The following BTBD18 variants were observed in gnomAD, a reference collection of about 807,000 sequenced individuals.
BTBD18 encodes the protein BTB/POZ domain-containing protein 18.
For missense variants in BTBD18, 787 were observed against 846.3 expected (o/e 0.93, Z 0.87); for synonymous variants, 311 against 324.4 (o/e 0.96, Z 0.44).
Position 57,744,768 on chromosome 11 carries a change from A to G in BTBD18, c.1505T>C (p.Leu502Pro). ...AGGTGGTTCAATGTCTGAGCCACAG[A>G]GCATGAAGTCCAGGATCTCCTCCAG... The part of the protein sequence containing the change: ...SELEEILDFM[L>P]CGSDIEPPIG... The change falls in exon 3 of 3, where the codon CTC (leucine) becomes CCC (proline). Residue 502 changes from leucine to proline, a missense_variant. Physicochemically the swap from Leu to Pro is moderately conservative, Grantham distance 98. Transcript: ENST00000422652. The G allele has an allele frequency of 6.4e-7, 1 of 1,551,714 alleles. No homozygotes were observed.
At chr11:57,749,372 A>G in intron 2 of BTBD18, among the ~76,000 whole-genome samples, 1 of 152,222 alleles carries the variant, frequency 6.6e-6, no homozygotes, top group South Asian at 2.1e-4. Context: ...GCAGCAGGCA[A>G]ATCACTTAAC....
At chr11:57,751,866 A>C (rs1949318168), upstream of BTBD18, 1 of 152,182 alleles carries the variant, frequency 6.6e-6, no homozygotes, top group African/African-American at 2.4e-5. Context: ...AGGGTGCACA[A>C]TAAAGAAGAG....
At position 57,744,197 on chromosome 11, in the gene BTBD18, A is replaced by T; in HGVS notation, c.2076T>A (p.Thr692=). 2 of 1,551,620 alleles carry T rather than the reference A, an allele frequency of 1.3e-6. No individual in the cohort carries two copies. Among genetic ancestry groups the T allele is most frequent in the Non-Finnish European group, 1.7e-6 (2 of 1,146,964 alleles). ...AAGGGTCAGGCCACACGGAGGGAAC[A>T]GTAGTGGGTACCAGCCTCCCCTCTG... ...WTAEGRLVPT[T]VPSVWPDPSS... is the part of the protein sequence containing the mutation. The change falls in exon 3 of 3, where the codon ACT becomes ACA. Residue 692 remains threonine (T), a synonymous_variant. Coordinates refer to ENST00000422652, the MANE Select transcript of BTBD18 (RefSeq NM_001145101.3).
Position 57,751,251 on chromosome 11 carries a change from A to G in BTBD18, c.-48-15T>C. The G allele has an allele frequency of 3.0e-6, 4 of 1,329,738 alleles. No homozygotes were observed. Among genetic ancestry groups the G allele is most frequent in the Non-Finnish European group, 3.9e-6 (4 of 1,016,428 alleles). 82.4% of individuals were successfully genotyped at this position (1,329,738 alleles called of 1,614,324 possible). A position where few individuals can be genotyped will look rare whatever the true frequency, so the allele number is the denominator to read the frequency against. ...AGATCAGACTCCTGTAGGTGAGATA[A>G]TACATTTCAGAGGCATGGTTACATC... On this transcript the variant is annotated splice_polypyrimidine_tract_variant and intron_variant, in intron 1 of 2. Transcript: ENST00000422652.
At chr11:57,750,996 C>G (rs192704076) in intron 2 of BTBD18, 69 bp downstream of exon 2, 11 of 1,371,652 alleles carry the variant, frequency 8.0e-6, no homozygotes, top group Middle Eastern at 1.9e-4. Context: ...GTCCTTTACC[C>G]TCTGGCTCTG....
Position 57,751,195 on chromosome 11 carries a change from AAG to A in BTBD18, c.-9_-8del, listed in dbSNP as rs1949299258. ...GACTGGCAGGAGAGCACATGTTGGC[AAG>A]AGTCTTAACAAACCTTCTAGGTTTT... On this transcript the variant is annotated 5_prime_UTR_variant, in exon 2 of 3. Transcript: ENST00000422652. 2 of 1,535,574 alleles carry A rather than the reference AAG, an allele frequency of 1.3e-6. No individual in the cohort carries two copies. The highest frequency in any genetic ancestry group is 1.7e-4 in the Middle Eastern group (1 of 5,934).
chr11:57,745,282 T>G lies in BTBD18; in HGVS notation c.991A>C (p.Lys331Gln), dbSNP rs1263716362. The G allele has an allele frequency of 7.7e-6, 12 of 1,551,558 alleles. No homozygotes were observed. ...CTCCGCTTCCTGCTCCCACCTGTCT[T>G]TCCCAGACCAGATGGGTTTGGGGTG... Reference protein sequence around the residue: ...QSTPNPSGLGKTGGSRKRSPE... With the variant: ...QSTPNPSGLGQTGGSRKRSPE... The change falls in exon 3 of 3, where the codon AAG becomes CAG. Residue 331 changes from lysine to glutamine, a missense_variant. Transcript: ENST00000422652.
At position 57,745,930 on chromosome 11, in the gene BTBD18, G is replaced by A. The variant is rs992605587; in HGVS notation, c.343C>T (p.Leu115Phe). ...AGGGATTCCAGCTCAGACACACGGAGCTGACGGGCAGCAGATAGCACATCC... is the reference window on the plus strand; with the variant it reads ...AGGGATTCCAGCTCAGACACACGGAACTGACGGGCAGCAGATAGCACATCC... ...AQDVLSAARQ[L>F]RVSELESLQL... The change falls in exon 3 of 3, where the codon CTC becomes TTC. Residue 115 changes from leucine to phenylalanine, a missense_variant. By Grantham distance (22) the Leu-to-Phe change is conservative. Transcript: ENST00000422652. 6.4e-6 allele frequency: 10 copies of A among 1,551,522 alleles called. No homozygotes were observed. The highest frequency in any genetic ancestry group is 1.4e-5 in the African/African-American group (1 of 73,016).
Position 57,751,792 on chromosome 11 carries a change from A to G in BTBD18, c.-300T>C, listed in dbSNP as rs1949316383. On this transcript the variant is annotated 5_prime_UTR_variant, in exon 1 of 3. Coordinates refer to ENST00000422652, the MANE Select transcript of BTBD18 (RefSeq NM_001145101.3). ...TTTTAAGGAAACATTACTGGGTATAAAATTATCTCTAGTAAGTCGTATGCG... is the reference window on the plus strand; with the variant it reads ...TTTTAAGGAAACATTACTGGGTATAGAATTATCTCTAGTAAGTCGTATGCG... 1 of 152,152 alleles carries G rather than the reference A, an allele frequency of 6.6e-6. No individual in the cohort carries two copies. The allele number at this position is 152,152 out of a possible 1,614,324, so 9.4% of individuals were successfully genotyped here.
Position 57,745,124 on chromosome 11 carries a change from G to A in BTBD18, c.1149C>T (p.Ser383=). Residue 383 remains serine, a synonymous_variant, in exon 3 of 3, where the codon AGC becomes AGT. Coordinates refer to ENST00000422652, the MANE Select transcript of BTBD18 (RefSeq NM_001145101.3). The part of the protein sequence containing the change: ...QETPLKNTQD[S]PQIPDPGGDF... ...CTCCTCCGGGATCTGGGATCTGGGG[G>A]CTATCTTGAGTGTTTTTGAGAGGAG... 6.4e-7 allele frequency: 1 copy of A among 1,551,662 alleles called. No homozygotes were observed. Among genetic ancestry groups the A allele is most frequent in the Non-Finnish European group, 8.7e-7 (1 of 1,146,986 alleles).
chr11:57,751,411 G>A (rs551162410), intron 1 of BTBD18, 130 bp downstream of exon 1: 2 of 391,946 alleles, frequency 5.1e-6, no homozygotes, highest in Non-Finnish European at 9.1e-6. Context: ...GGTTACATGT[G>A]GGAGCTCAGA....
rs1404207866 is a variant in BTBD18 at position 57,745,189 on chromosome 11, TC to T, written c.1083del (p.Lys362ArgfsTer81). ...TCCCAGCAAGTCCCATTGACAATCT[TC>T]CTAAGTTTAACTCTCCCAACCTGCC... ...EEGQVGRVKL[R>X]KIVNGTCWEV... On this transcript the variant is annotated frameshift_variant, in exon 3 of 3. Coordinates refer to ENST00000422652, the MANE Select transcript of BTBD18 (RefSeq NM_001145101.3). LOFTEE classifies it low-confidence loss of function (END_TRUNC). 6.4e-7 allele frequency: 1 copy of T among 1,551,514 alleles called. No individual in the cohort carries two copies. Among genetic ancestry groups the T allele is most frequent in the Non-Finnish European group, 8.7e-7 (1 of 1,146,978 alleles).
chr11:57,751,482 G>A lies in BTBD18; in HGVS notation c.-49+59C>T, dbSNP rs1453497387. ...AGCCTGGCTGTATAATCTCACACAGGTGACCTAACTTCTCTGAGTCTCACT... is the reference window on the plus strand; with the variant it reads ...AGCCTGGCTGTATAATCTCACACAGATGACCTAACTTCTCTGAGTCTCACT... On this transcript the variant is annotated intron_variant, in intron 1 of 2. Transcript: ENST00000422652. The A allele has an allele frequency of 2.3e-5, 5 of 216,788 alleles. No homozygotes were observed. In the East Asian group the frequency reaches 3.2e-4, roughly 14 times the overall value. 13.4% of individuals were successfully genotyped at this position (216,788 alleles called of 1,614,324 possible). A position where few individuals can be genotyped will look rare whatever the true frequency, so the allele number is the denominator to read the frequency against.
At position 57,744,460 on chromosome 11, in the gene BTBD18, C is replaced by G; in HGVS notation, c.1813G>C (p.Gly605Arg). The change falls in exon 3 of 3, where the codon GGT (glycine) becomes CGT (arginine). Residue 605 changes from glycine to arginine, a missense_variant. Coordinates refer to ENST00000422652, the MANE Select transcript of BTBD18 (RefSeq NM_001145101.3). Reference sequence around the variant, plus strand: ...ACATGGAGAAGTTTGTCTTCCTGACCATCCAGTGGCTGGGAGCTGGTAATT... The same window carrying G: ...ACATGGAGAAGTTTGTCTTCCTGACGATCCAGTGGCTGGGAGCTGGTAATT... ...LEITSSQPLD[G>R]QEDKLLHVSS... The G allele has an allele frequency of 6.4e-7, 1 of 1,551,654 alleles. No individual in the cohort carries two copies.
intron 2 of BTBD18, among the ~76,000 whole-genome samples, chr11:57,746,915 A>T (rs1222915720): frequency 6.6e-6 from 1 of 151,988 alleles, no homozygotes; most frequent in Non-Finnish European, 1.5e-5. Flanking sequence ...CTGTATTGTA[A>T]TTATCCATCT....
In BTBD18 at chr11:57,744,858, G is replaced by A. The variant is rs1175575366; in HGVS notation, c.1415C>T (p.Ala472Val). The A allele has an allele frequency of 6.4e-7, 1 of 1,551,764 alleles. No individual in the cohort carries two copies. Among genetic ancestry groups the A allele is most frequent in the Non-Finnish European group, 8.7e-7 (1 of 1,147,004 alleles). The change falls in exon 3 of 3, where the codon GCT becomes GTT. Residue 472 changes from alanine (A) to valine (V), a missense_variant. Transcript: ENST00000422652. Reference protein sequence around the residue: ...DCREPYAFDTALLEQPCEAEE... With the variant: ...DCREPYAFDTVLLEQPCEAEE... The stretch of plus-strand genomic sequence containing the variant: ...AGCCTCACAGGGCTGCTCCAGCAGA[G>A]CTGTGTCAAATGCATAGGGTTCTCT...
chr11:57,744,576 C>CT lies in BTBD18; in HGVS notation c.1696dup (p.Arg566LysfsTer5), dbSNP rs1949153225. ...GGGGCTAAGGAGCTCAGTTGGCCCTCTGTTCTCACCAGCAGGTTCCTTTTC... is the reference window on the plus strand; with the variant it reads ...GGGGCTAAGGAGCTCAGTTGGCCCTCTTGTTCTCACCAGCAGGTTCCTTTTC... On this transcript the variant is annotated frameshift_variant, in exon 3 of 3. Coordinates refer to ENST00000422652, the MANE Select transcript of BTBD18 (RefSeq NM_001145101.3). LOFTEE classifies it low-confidence loss of function (END_TRUNC). 1 of 1,551,604 alleles carries CT rather than the reference C, an allele frequency of 6.4e-7. No individual in the cohort carries two copies. Among genetic ancestry groups the CT allele is most frequent in the South Asian group, 1.2e-5 (1 of 84,070 alleles).
Position 57,744,005 on chromosome 11 carries a change from G to A in BTBD18, c.*129C>T. The A allele has an allele frequency of 1.6e-6, 1 of 638,932 alleles. No homozygotes were observed. Among genetic ancestry groups the A allele is most frequent in the Non-Finnish European group, 2.7e-6 (1 of 370,848 alleles). The allele number at this position is 638,932 out of a possible 1,614,324, so 39.6% of individuals were successfully genotyped here. ...CTGAGGCTTAGGGAAGGGAGGAAGG[G>A]ACCTACAAAGAGCCAGGGTACACCT... On this transcript the variant is annotated 3_prime_UTR_variant, in exon 3 of 3. Transcript: ENST00000422652.
Position 57,744,856 on chromosome 11 carries a change from G to T in BTBD18, c.1417C>A (p.Leu473Met). 6.4e-7 allele frequency: 1 copy of T among 1,551,772 alleles called. No homozygotes were observed. The highest frequency in any genetic ancestry group is 8.7e-7 in the Non-Finnish European group (1 of 1,147,004). ...CREPYAFDTA[L>M]LEQPCEAEEY... ...TCAGCCTCACAGGGCTGCTCCAGCA[G>T]AGCTGTGTCAAATGCATAGGGTTCT... Residue 473 changes from leucine (L) to methionine (M), a missense_variant, in exon 3 of 3, where the codon CTG (leucine) becomes ATG (methionine). By Grantham distance (15) the Leu-to-Met change is conservative. Transcript: ENST00000422652.
Sources: gnomAD v4.1 joint callset for allele counts (sites outside exome capture counted in the v4.1 genomes callset) on GRCh38, gnomAD v4.1.1 for gene constraint, MANE v1.5 for transcripts, NCBI Gene and HGNC (gene_info 2026-07-23, HGNC 2026-07-21) for gene names.